HUS1: variants seen among roughly 807,000 people sequenced by gnomAD.
HUS1 encodes the protein checkpoint protein HUS1.
HUS1 carries 31 observed loss-of-function variants against 32.6 expected under a neutral mutation model. The observed-to-expected ratio is 0.95, with a 90% CI of 0.72 to 1.28. The LOEUF (loss-of-function observed/expected upper bound fraction) is 1.28. Among genes scored for constraint, HUS1 ranks in the 50% most tolerant of loss-of-function variants. The pLI, the probability that HUS1 is intolerant of heterozygous loss-of-function variation, is 0.00. For synonymous variants in HUS1, 123 were observed against 116.6 expected (o/e 1.06, Z -0.36); for missense variants, 340 against 337.7 (o/e 1.01, Z -0.05).
Position 47,967,893 on chromosome 7 carries a change from C to A in HUS1, c.673G>T (p.Glu225Ter). 1 of 1,613,826 alleles carries A rather than the reference C, an allele frequency of 6.2e-7. No homozygotes were observed. The highest frequency in any genetic ancestry group is 8.5e-7 in the Non-Finnish European group (1 of 1,179,858). ...SESTHEDRNVEHMAEVHIDIR... is the reference protein window; with the variant it reads ...SESTHEDRNV The stretch of plus-strand genomic sequence containing the variant: ...TCTATGTGCACTTCAGCCATGTGTT[C>A]CACGTTTCTGTCCTCATGGGTGCTT... Residue 225 changes from glutamate to a stop codon, truncating the protein, a stop_gained, in exon 7 of 8, where the codon GAA becomes TAA. Coordinates refer to ENST00000258774, the MANE Select transcript of HUS1 (RefSeq NM_004507.4). LOFTEE classifies it high-confidence loss of function.
intron 1 of HUS1, 99 bp from the exon 2 acceptor site, chr7:47,978,915 G>A: frequency 1.6e-6 from 2 of 1,260,896 alleles, no homozygotes; most frequent in South Asian, 1.4e-5. Context: ...ACTTCTCGGT[G>A]GAAAAATAAC....
rs989176504 is a variant in HUS1, at chr7:47,964,862, G to A, written c.*494C>T. On this transcript the variant is annotated 3_prime_UTR_variant, in exon 8 of 8. Transcript: ENST00000258774. Reference sequence around the variant, plus strand: ...CAGTGCTCTGAGTAACCAAGGCAGTGGCGGCGGGGTGACAGAGGCTGTTCT... The same window carrying A: ...CAGTGCTCTGAGTAACCAAGGCAGTAGCGGCGGGGTGACAGAGGCTGTTCT... 1.3e-5 allele frequency: 2 copies of A among 156,294 alleles called. No homozygotes were observed. Among genetic ancestry groups the A allele is most frequent in the African/African-American group, 4.8e-5 (2 of 41,482 alleles). 9.7% of individuals were successfully genotyped at this position (156,294 alleles called of 1,614,324 possible).
rs780905600 is a variant in HUS1 at position 47,979,534 on chromosome 7, C to T, written c.-15G>A. On this transcript the variant is annotated 5_prime_UTR_variant, in exon 1 of 8. Coordinates refer to ENST00000258774, the MANE Select transcript of HUS1 (RefSeq NM_004507.4). The stretch of plus-strand genomic sequence containing the variant: ...CGAAACTTCATGGCCGCGGATGGCG[C>T]AGCCGCGGCGGGCCTCTGTGGGTAA... The T allele has an allele frequency of 1.3e-6, 2 of 1,599,674 alleles. No homozygotes were observed. Among genetic ancestry groups the T allele is most frequent in the South Asian group, 2.2e-5 (2 of 90,762 alleles).
At chr7:47,970,004 C>A (rs945618359) in intron 5 of HUS1, among the ~76,000 whole-genome samples, 1 of 151,928 alleles carries the variant, frequency 6.6e-6, no homozygotes, top group Admixed American at 6.6e-5. Flanking sequence ...GAGGCCGAGG[C>A]GGGCGGATCA....
chr7:47,973,179 A>G (rs1454503572), intron 5 of HUS1, among the ~76,000 whole-genome samples: 2 of 152,158 alleles, frequency 1.3e-5, no homozygotes, highest in African/African-American at 4.8e-5. Flanking sequence ...CAGGACTGTG[A>G]GTCAATTAAA....
chr7:47,975,519 G>T, intron 5 of HUS1, 94 bp downstream of exon 5: 1 of 781,462 alleles, frequency 1.3e-6, no homozygotes, highest in Non-Finnish European at 2.3e-6. Flanking sequence ...GTTAGGAGGT[G>T]CCCACCTGCA....
In HUS1 at chr7:47,979,463, C is replaced by G; in HGVS notation, c.52+5G>C. 6.2e-7 allele frequency: 1 copy of G among 1,613,560 alleles called. No homozygotes were observed. The highest frequency in any genetic ancestry group is 2.2e-5 in the East Asian group (1 of 44,858). On this transcript the variant is annotated splice_donor_5th_base_variant and intron_variant, in intron 1 of 7. Coordinates refer to ENST00000258774, the MANE Select transcript of HUS1 (RefSeq NM_004507.4). ...CCCTCGCTCCTCTCCGGCCTCCCTG[C>G]TCACGTGTGAAGTGGTTCAGACAGG...
intron 6 of HUS1, 146 bp from the exon 7 acceptor site, chr7:47,968,071 T>C (rs1788518837): frequency 1.3e-6 from 1 of 761,512 alleles, no homozygotes; most frequent in Non-Finnish European, 2.1e-6. Context: ...GTAAATGTTG[T>C]CATTCATTAA....
chr7:47,967,138 TG>T (rs1202545159), intron 7 of HUS1, among the ~76,000 whole-genome samples: 1 of 152,190 alleles, frequency 6.6e-6, no homozygotes, highest in African/African-American at 2.4e-5. Flanking sequence ...CTACAAAACG[TG>T]GAACTTCAAA....
At chr7:47,973,925 G>A (rs749362595) in intron 5 of HUS1, among the ~76,000 whole-genome samples, 1 of 152,082 alleles carries the variant, frequency 6.6e-6, no homozygotes, top group Admixed American at 6.5e-5. Context: ...AAGTCCCCAG[G>A]GTATCCCCAG....
chr7:47,978,419 G>A lies in HUS1; in HGVS notation c.355C>T (p.Leu119=), dbSNP rs139437649. ...GAAACCCTGACTCTCCTACTCACCA[G>A]CTCCACGGAGACCGTGAGGCAGGGA... ...HFPCLTVSVE[L]LSMSSSSRIV... is the part of the protein sequence containing the mutation. Residue 119 remains leucine (L), a splice_region_variant and synonymous_variant, in exon 3 of 8, where the codon CTG becomes TTG. Coordinates refer to ENST00000258774, the MANE Select transcript of HUS1 (RefSeq NM_004507.4). The A allele has an allele frequency of 4.3e-6, 7 of 1,613,500 alleles. No homozygotes were observed. In the African/African-American group the frequency reaches 8.0e-5, roughly 18 times the overall value.
intron 5 of HUS1, among the ~76,000 whole-genome samples, chr7:47,971,872 T>C (rs1422561805): frequency 6.6e-6 from 1 of 152,222 alleles, no homozygotes; most frequent in Non-Finnish European, 1.5e-5. Context: ...CTTGTTCTTA[T>C]TCCTTAAAAT....
At position 47,976,783 on chromosome 7, in the gene HUS1, T is replaced by C; in HGVS notation, c.412A>G (p.Ile138Val). 6.2e-7 allele frequency: 1 copy of C among 1,613,832 alleles called. No individual in the cohort carries two copies. The highest frequency in any genetic ancestry group is 8.5e-7 in the Non-Finnish European group (1 of 1,179,802). The change falls in exon 4 of 8, where the codon ATT becomes GTT. Residue 138 changes from isoleucine to valine, a missense_variant. Transcript: ENST00000258774. ...AAGTCCTTCCACAATTTCCTAGGAATCACCTTTATGGGGATGTCATGGGTC... is the reference window on the plus strand; with the variant it reads ...AAGTCCTTCCACAATTTCCTAGGAACCACCTTTATGGGGATGTCATGGGTC... ...IVTHDIPIKVIPRKLWKDLQE... is the reference protein window; with the variant it reads ...IVTHDIPIKVVPRKLWKDLQE...
intron 5 of HUS1, chr7:47,971,457 T>C (rs1788598541): frequency 2.2e-6 from 1 of 456,614 alleles, no homozygotes. Context: ...AGGGACTCCT[T>C]TCCTTTGAAG....
rs1788756755 is a variant in HUS1 at position 47,978,537 on chromosome 7, A to T, written c.237T>A (p.Ile79=). Reference sequence around the variant, plus strand: ...AGTTTTCCGATGTTAGCTCTAAATAAATCTCATTGTTTTCTGCAGAGACAC... The same window carrying T: ...AGTTTTCCGATGTTAGCTCTAAATATATCTCATTGTTTTCTGCAGAGACAC... ...MEGVSAENNE[I]YLELTSENLS... Residue 79 remains isoleucine (I), a synonymous_variant, in exon 3 of 8, where the codon ATT becomes ATA. Transcript: ENST00000258774. 1 of 1,614,082 alleles carries T rather than the reference A, an allele frequency of 6.2e-7. No individual in the cohort carries two copies. Among genetic ancestry groups the T allele is most frequent in the Non-Finnish European group, 8.5e-7 (1 of 1,180,044 alleles).
chr7:47,966,498 G>A (rs3176597), intron 7 of HUS1, among the ~76,000 whole-genome samples: 3,823 of 152,186 alleles, frequency 0.025, 153 homozygotes, highest in African/African-American at 0.087. Flanking sequence ...CTGATGTTGT[G>A]CAGCGCAGGG....
intron 5 of HUS1, among the ~76,000 whole-genome samples, chr7:47,974,998 C>T (rs896456863): frequency 6.6e-6 from 1 of 152,096 alleles, no homozygotes; most frequent in Non-Finnish European, 1.5e-5. Flanking sequence ...CAGAAAAATA[C>T]GGGCACGTTA....
chr7:47,978,623 G>T, intron 2 of HUS1, 30 bp from the exon 3 acceptor site: 3 of 1,612,934 alleles, frequency 1.9e-6, no homozygotes, highest in South Asian at 1.1e-5. Context: ...GGATGAGGGA[G>T]GGTATATGTG....
intron 5 of HUS1, among the ~76,000 whole-genome samples, chr7:47,971,739 T>C (rs1340634977): frequency 2.0e-5 from 3 of 152,210 alleles, no homozygotes. Context: ...AAGTGCCACC[T>C]AGCAACTGGT....
Sources: gnomAD v4.1 joint callset for allele counts (sites outside exome capture counted in the v4.1 genomes callset) on GRCh38, gnomAD v4.1.1 for gene constraint, MANE v1.5 for transcripts, NCBI Gene and HGNC (gene_info 2026-07-23, HGNC 2026-07-21) for gene names.